Variants in PAK5 observed in about 807,000 individuals in gnomAD.
PAK5 encodes serine/threonine-protein kinase PAK 5.
Under a neutral mutation model 65.9 loss-of-function variants are expected in PAK5, and 16 were observed. The observed-to-expected ratio is 0.24, with a 90% CI of 0.16 to 0.37. The LOEUF (loss-of-function observed/expected upper bound fraction) is 0.37, where lower values mean the gene tolerates loss of function less well. Ranked by LOEUF, PAK5 falls within the 10% of genes least tolerant of loss-of-function variation. PAK5 has a pLI of 1.00. For missense variants in PAK5, 785 were observed against 903.9 expected (o/e 0.87, Z 1.69); for synonymous variants, 371 against 354.9 (o/e 1.05, Z -0.51).
At chr20:9,677,435 G>C (rs1479899658) in intron 2 of PAK5, among the ~76,000 whole-genome samples, 1 of 152,116 alleles carries the variant, frequency 6.6e-6, no homozygotes, top group Admixed American at 6.6e-5. Context: ...TAGGAGCAGG[G>C]CCTGCACCAT....
chr20:9,549,388 A>G (rs1375554035), intron 7 of PAK5, among the ~76,000 whole-genome samples: 1 of 152,170 alleles, frequency 6.6e-6, no homozygotes, highest in African/African-American at 2.4e-5. Flanking sequence ...GAACCTAGAT[A>G]GAAAGTCAAG....
intron 1 of PAK5, among the ~76,000 whole-genome samples, chr20:9,801,578 A>G (rs947080490): frequency 2.6e-5 from 4 of 151,142 alleles, no homozygotes; most frequent in African/African-American, 7.3e-5. Flanking sequence ...ATAGACTTTA[A>G]TAGACTTTTA....
At chr20:9,634,439 G>T (rs2046959895) in intron 3 of PAK5, among the ~76,000 whole-genome samples, 2 of 152,180 alleles carry the variant, frequency 1.3e-5, no homozygotes, top group African/African-American at 4.8e-5. Flanking sequence ...GCTTAAGTTT[G>T]TTCAAAGTTT....
chr20:9,560,854 G>A (rs2045580223), intron 6 of PAK5, among the ~76,000 whole-genome samples: 1 of 152,214 alleles, frequency 6.6e-6, no homozygotes, highest in African/African-American at 2.4e-5. Flanking sequence ...AAGATGTTAA[G>A]TTAATGCTAA....
intron 3 of PAK5, among the ~76,000 whole-genome samples, chr20:9,632,920 G>A (rs2046940746): frequency 6.6e-6 from 1 of 152,126 alleles, no homozygotes; most frequent in Admixed American, 6.5e-5. Context: ...TTGAGTCCTG[G>A]GCCTTTCCAG....
rs920260160 is a variant in PAK5 at position 9,578,009 on chromosome 20, G to A, written c.990+2136C>T. On this transcript the variant is annotated intron_variant, in intron 4 of 9. Coordinates refer to ENST00000353224, the MANE Select transcript of PAK5 (RefSeq NM_177990.4). ...AAAGTGAATCACCCCTCCCACCCTCGTTCTTCTGTCACTTAGACGAAAGTT... is the reference window on the plus strand; with the variant it reads ...AAAGTGAATCACCCCTCCCACCCTCATTCTTCTGTCACTTAGACGAAAGTT... 3.3e-5 allele frequency among the ~76,000 whole-genome samples: 5 copies of A among 152,092 alleles called. No individual in the cohort carries two copies. In the East Asian group the frequency reaches 5.8e-4, roughly 18 times the overall value.
At chr20:9,640,118 C>CAT (rs2047032980) in intron 3 of PAK5, among the ~76,000 whole-genome samples, 1 of 151,814 alleles carries the variant, frequency 6.6e-6, no homozygotes, top group Non-Finnish European at 1.5e-5. Context: ...AGGTTTGTTA[C>CAT]ATATATATAC....
intron 3 of PAK5, among the ~76,000 whole-genome samples, chr20:9,607,194 C>G (rs1297730543): frequency 6.6e-6 from 1 of 152,132 alleles, no homozygotes; most frequent in Non-Finnish European, 1.5e-5. Flanking sequence ...CACACTGAAT[C>G]TGGAACAATG....
chr20:9,670,287 A>G (rs1023313559), intron 2 of PAK5, among the ~76,000 whole-genome samples: 3 of 152,208 alleles, frequency 2.0e-5, no homozygotes, highest in Non-Finnish European at 2.9e-5. Context: ...GTATATACCC[A>G]GTAATGGGAT....
chr20:9,824,136 CA>C (rs1198873339), intron 1 of PAK5, among the ~76,000 whole-genome samples: 1 of 152,092 alleles, frequency 6.6e-6, no homozygotes, highest in African/African-American at 2.4e-5. Context: ...TATAACCAAA[CA>C]AAAAACTGAA....
intron 2 of PAK5, among the ~76,000 whole-genome samples, chr20:9,693,315 CT>C (rs1267538997): frequency 1.3e-5 from 2 of 152,092 alleles, no homozygotes; most frequent in African/African-American, 4.8e-5. Context: ...ATGGCTTTGG[CT>C]TTTTATTCTC....
intron 1 of PAK5, among the ~76,000 whole-genome samples, chr20:9,807,035 C>G (rs1319095710): frequency 6.6e-6 from 1 of 152,142 alleles, no homozygotes; most frequent in Non-Finnish European, 1.5e-5. Flanking sequence ...CCAACCTCAG[C>G]TTCTGTCATC....
intron 3 of PAK5, among the ~76,000 whole-genome samples, chr20:9,641,540 G>A (rs1198880525): frequency 4.6e-5 from 7 of 151,268 alleles, no homozygotes; most frequent in South Asian, 4.3e-4. Flanking sequence ...AGTGGATCCC[G>A]CACCGGGGCT....
intron 2 of PAK5, among the ~76,000 whole-genome samples, chr20:9,676,949 G>A (rs904913380): frequency 2.0e-5 from 3 of 152,076 alleles, no homozygotes; most frequent in African/African-American, 7.2e-5. Flanking sequence ...GCATTTCAGA[G>A]ACCCTAACAT....
At chr20:9,694,932 T>C (rs1468490833) in intron 2 of PAK5, among the ~76,000 whole-genome samples, 1 of 152,068 alleles carries the variant, frequency 6.6e-6, no homozygotes, top group Non-Finnish European at 1.5e-5. Context: ...AGCATTGCTG[T>C]GTCAAAGGAT....
At chr20:9,599,870 AT>A (rs1231404827) in intron 3 of PAK5, among the ~76,000 whole-genome samples, 24 of 151,920 alleles carry the variant, frequency 1.6e-4, no homozygotes, top group Admixed American at 9.2e-4. Context: ...CTAATTTATC[AT>A]TTTTTTTCTT....
chr20:9,677,749 C>T (rs879366246), intron 2 of PAK5, among the ~76,000 whole-genome samples: 8 of 152,134 alleles, frequency 5.3e-5, no homozygotes, highest in African/African-American at 9.7e-5. Flanking sequence ...AGACCATAAT[C>T]GTAGTAGCAG....
At chr20:9,837,582 A>G (rs1979248518) in intron 1 of PAK5, among the ~76,000 whole-genome samples, 1 of 152,220 alleles carries the variant, frequency 6.6e-6, no homozygotes, top group African/African-American at 2.4e-5. Context: ...TAAGGTGTCA[A>G]TTTCATAGAA....
At chr20:9,833,158 A>C (rs911380762) in intron 1 of PAK5, among the ~76,000 whole-genome samples, 4 of 152,204 alleles carry the variant, frequency 2.6e-5, no homozygotes, top group Admixed American at 1.3e-4. Flanking sequence ...ATGTAAACAG[A>C]GGTTCTTAGT....
Sources: gnomAD v4.1 joint callset for allele counts (sites outside exome capture counted in the v4.1 genomes callset) on GRCh38, gnomAD v4.1.1 for gene constraint, MANE v1.5 for transcripts, NCBI Gene and HGNC (gene_info 2026-07-23, HGNC 2026-07-21) for gene names.